The following KCNIP1 variants were observed in gnomAD, a reference collection of about 807,000 sequenced individuals.
KCNIP1 encodes the protein potassium voltage-gated channel interacting protein 1.
KCNIP1 carries 18 observed loss-of-function variants against 33.0 expected under a neutral mutation model. The ratio of observed to expected loss-of-function variants is 0.55; its 90% confidence interval spans 0.38 to 0.81. KCNIP1 has a LOEUF of 0.81. Ranked by LOEUF, KCNIP1 falls within the 30% of genes least tolerant of loss-of-function variation. The pLI, the probability that KCNIP1 is intolerant of heterozygous loss-of-function variation, is 0.00. For synonymous variants in KCNIP1, 93 were observed against 98.3 expected (o/e 0.95, Z 0.32); for missense variants, 238 against 271.6 (o/e 0.88, Z 0.87).
At chr5:170,730,656 G>A (rs1764162831) in intron 5 of KCNIP1, among the ~76,000 whole-genome samples, 1 of 152,170 alleles carries the variant, frequency 6.6e-6, no homozygotes, top group Admixed American at 6.5e-5. Context: ...TCTGTTGAGG[G>A]CACCTCAGAG....
intron 1 of KCNIP1, among the ~76,000 whole-genome samples, chr5:170,426,007 G>A (rs1016216731): frequency 6.6e-6 from 1 of 152,170 alleles, no homozygotes; most frequent in African/African-American, 2.4e-5. Flanking sequence ...TAGTGGCCCC[G>A]GGCAGGTCAG....
intron 1 of KCNIP1, among the ~76,000 whole-genome samples, chr5:170,533,624 A>C (rs1477312406): frequency 5.9e-5 from 9 of 152,184 alleles, no homozygotes; most frequent in Non-Finnish European, 1.5e-5. Context: ...TCAGTCACTC[A>C]ACACCGCTAA....
chr5:170,493,722 T>C (rs1757254513), intron 1 of KCNIP1, among the ~76,000 whole-genome samples: 1 of 152,238 alleles, frequency 6.6e-6, no homozygotes, highest in African/African-American at 2.4e-5. Flanking sequence ...TTCTGATTCA[T>C]CTTTCAGGAC....
intron 1 of KCNIP1, among the ~76,000 whole-genome samples, chr5:170,361,109 G>A (rs1450216639): frequency 6.6e-6 from 1 of 152,230 alleles, no homozygotes; most frequent in African/African-American, 2.4e-5. Context: ...CTGGGTGCAG[G>A]CCCACACTGC....
chr5:170,598,929 G>GTGTA (rs1252794682), intron 1 of KCNIP1, among the ~76,000 whole-genome samples: 36 of 151,548 alleles, frequency 2.4e-4, no homozygotes, highest in Non-Finnish European at 4.1e-4. Flanking sequence ...GTGTGTGTGT[G>GTGTA]TGTGTGTGTG....
At chr5:170,518,069 GTGA>G (rs1755215544) in intron 1 of KCNIP1, among the ~76,000 whole-genome samples, 1 of 151,968 alleles carries the variant, frequency 6.6e-6, no homozygotes. Flanking sequence ...CATAATGATA[GTGA>G]TGGTGGTGGT....
rs187706850 is a variant in KCNIP1 at position 170,404,818 on chromosome 5, C to T, written c.88+50854C>T. Reference sequence around the variant, plus strand: ...CCATTTTTGCAATCTATCAGGACTGCGTGAAGTTTTTTACCTTTCCATTTT... The same window carrying T: ...CCATTTTTGCAATCTATCAGGACTGTGTGAAGTTTTTTACCTTTCCATTTT... On this transcript the variant is annotated intron_variant, in intron 1 of 7. Transcript: ENST00000377360. Among the ~76,000 whole-genome samples, 8 of 152,248 alleles carry T rather than the reference C, an allele frequency of 5.3e-5. No individual in the cohort carries two copies. The East Asian group carries it at 1.2e-3, about 22-fold the overall frequency.
chr5:170,570,044 C>A (rs1757346871), intron 1 of KCNIP1, among the ~76,000 whole-genome samples: 1 of 152,324 alleles, frequency 6.6e-6, no homozygotes, highest in South Asian at 2.1e-4. Context: ...ATCTGCAACA[C>A]TCTCCTGTTT....
At chr5:170,713,949 G>T (rs549440443) in intron 1 of KCNIP1, among the ~76,000 whole-genome samples, 1 of 151,044 alleles carries the variant, frequency 6.6e-6, no homozygotes, top group Non-Finnish European at 1.5e-5. Context: ...GCTTGAACCC[G>T]GGAGGTGGAG....
In KCNIP1 at chr5:170,736,050, G is replaced by A; in HGVS notation, c.*244G>A. ...ACAAGATGAAATTTGAGTTTGTTTT[G>A]GAAGCATGCTCATCTCCTCACACTG... On this transcript the variant is annotated 3_prime_UTR_variant, in exon 8 of 8. Coordinates refer to ENST00000328939, the MANE Select transcript of KCNIP1 (RefSeq NM_014592.4). 1.8e-6 allele frequency: 1 copy of A among 542,020 alleles called. No individual in the cohort carries two copies. The highest frequency in any genetic ancestry group is 2.9e-5 in the East Asian group (1 of 34,024). The allele number at this position is 542,020 out of a possible 1,614,324, so 33.6% of individuals were successfully genotyped here.
At chr5:170,373,802 G>A (rs1441784819) in intron 1 of KCNIP1, among the ~76,000 whole-genome samples, 1 of 152,126 alleles carries the variant, frequency 6.6e-6, no homozygotes, top group Admixed American at 6.6e-5. Context: ...AAATGAAAAA[G>A]GCAAATAATG....
At chr5:170,735,693 C>T (rs1006195904) in intron 7 of KCNIP1, 66 bp from the exon 8 acceptor site, 15 of 1,376,402 alleles carry the variant, frequency 1.1e-5, no homozygotes, top group Non-Finnish European at 1.6e-5. Context: ...ATTTGCTCAC[C>T]AGAGTTACAG....
intron 1 of KCNIP1, among the ~76,000 whole-genome samples, chr5:170,425,814 C>T (rs1429350045): frequency 2.0e-5 from 3 of 152,224 alleles, no homozygotes; most frequent in Non-Finnish European, 4.4e-5. Flanking sequence ...AGCCACCTTC[C>T]TGCAGGCAGG....
At chr5:170,587,599 A>G (rs75168787) in intron 1 of KCNIP1, among the ~76,000 whole-genome samples, 13,114 of 152,058 alleles carry the variant, frequency 0.086, 637 homozygotes, top group South Asian at 0.11. Flanking sequence ...GAGGCCACTC[A>G]CATTCCTTGT....
intron 1 of KCNIP1, among the ~76,000 whole-genome samples, chr5:170,442,965 G>T (rs1378123198): frequency 6.6e-6 from 1 of 152,202 alleles, no homozygotes; most frequent in Non-Finnish European, 1.5e-5. Context: ...TTGGATAGGG[G>T]ATTCTGGGGT....
At chr5:170,485,461 G>A (rs1757068308) in intron 1 of KCNIP1, among the ~76,000 whole-genome samples, 2 of 152,246 alleles carry the variant, frequency 1.3e-5, no homozygotes, top group African/African-American at 4.8e-5. Flanking sequence ...GCCCAGAGCT[G>A]AGCCCTGTGA....
intron 1 of KCNIP1, among the ~76,000 whole-genome samples, chr5:170,415,194 G>A (rs1237808791): frequency 6.6e-6 from 1 of 152,158 alleles, no homozygotes; most frequent in South Asian, 2.1e-4. Flanking sequence ...AGGGGATGGG[G>A]CTGATAGAGG....
intron 1 of KCNIP1, chr5:170,383,965 CT>C: frequency 3.0e-6 from 3 of 991,986 alleles, no homozygotes; most frequent in Non-Finnish European, 4.4e-6. Context: ...GACTGGGATC[CT>C]CATCTTGTCT....
At chr5:170,640,040 C>A (rs1052675284) in intron 1 of KCNIP1, among the ~76,000 whole-genome samples, 2 of 152,220 alleles carry the variant, frequency 1.3e-5, no homozygotes, top group Non-Finnish European at 2.9e-5. Flanking sequence ...CATGGAGCAC[C>A]ACCCTTCAGA....
Sources: gnomAD v4.1 joint callset for allele counts (sites outside exome capture counted in the v4.1 genomes callset) on GRCh38, gnomAD v4.1.1 for gene constraint, MANE v1.5 for transcripts, NCBI Gene and HGNC (gene_info 2026-07-23, HGNC 2026-07-21) for gene names.